RBFOX1: variants seen among roughly 807,000 people sequenced by gnomAD.
RBFOX1 encodes RNA binding protein fox-1 homolog 1.
Under a neutral mutation model 57.7 loss-of-function variants are expected in RBFOX1, and 8 were observed. The observed-to-expected ratio is 0.14, with a 90% CI of 0.08 to 0.25. The LOEUF (loss-of-function observed/expected upper bound fraction) is 0.25, where lower values mean the gene tolerates loss of function less well. Among genes scored for constraint, RBFOX1 ranks in the 10% least tolerant of loss-of-function variants. The pLI, the probability that RBFOX1 is intolerant of heterozygous loss-of-function variation, is 1.00. For synonymous variants in RBFOX1, 326 were observed against 222.4 expected, an observed-to-expected ratio of 1.47 and a Z score of -4.15; for missense variants, 611 against 548.5, an observed-to-expected ratio of 1.11 and a Z score of -1.14.
At chr16:5,497,832 A>G (rs911735380) in intron 2 of RBFOX1, among the ~76,000 whole-genome samples, 1 of 152,160 alleles carries the variant, frequency 6.6e-6, no homozygotes, top group Non-Finnish European at 1.5e-5. Flanking sequence ...GTCCCCAAGA[A>G]TAACAAAGTG....
intron 2 of RBFOX1, among the ~76,000 whole-genome samples, chr16:6,569,636 C>A (rs1315261385): frequency 6.6e-6 from 1 of 152,216 alleles, no homozygotes. Context: ...TTCATGGGCT[C>A]TGTCAACCTT....
At chr16:5,786,930 G>T (rs778513811) in intron 3 of RBFOX1, among the ~76,000 whole-genome samples, 49 of 152,174 alleles carry the variant, frequency 3.2e-4, no homozygotes, top group Admixed American at 7.9e-4. Flanking sequence ...GAGGTCAGGA[G>T]ATCGAGACCA....
At chr16:7,028,660 C>G (rs1245764048) in intron 3 of RBFOX1, among the ~76,000 whole-genome samples, 4 of 144,940 alleles carry the variant, frequency 2.8e-5, no homozygotes, top group East Asian at 2.1e-4. Context: ...ATTGTGACTT[C>G]TATTTGTGAA....
chr16:7,402,437 A>G (rs2098260381), intron 4 of RBFOX1, among the ~76,000 whole-genome samples: 1 of 152,228 alleles, frequency 6.6e-6, no homozygotes, highest in African/African-American at 2.4e-5. Context: ...ATAAAATTTC[A>G]CAAATAATAG....
At chr16:6,483,726 C>A in intron 2 of RBFOX1, 5 of 1,427,554 alleles carry the variant, frequency 3.5e-6, no homozygotes, top group Non-Finnish European at 4.6e-6. Flanking sequence ...TGCAAATTGA[C>A]ATTTTTGGCT....
intron 2 of RBFOX1, among the ~76,000 whole-genome samples, chr16:6,504,860 C>T (rs901656715): frequency 6.6e-6 from 1 of 151,924 alleles, no homozygotes; most frequent in Non-Finnish European, 1.5e-5. Context: ...TCAAGACTAG[C>T]CTGCCCAACA....
intron 4 of RBFOX1, among the ~76,000 whole-genome samples, chr16:7,394,705 G>A (rs371646945): frequency 1.1e-4 from 17 of 152,078 alleles, no homozygotes; most frequent in African/African-American, 3.9e-4. Flanking sequence ...GGTTTCATGT[G>A]CCCCGGTTGA....
chr16:6,950,888 T>G (rs948081582), intron 3 of RBFOX1, among the ~76,000 whole-genome samples: 4 of 147,600 alleles, frequency 2.7e-5, no homozygotes, highest in Admixed American at 6.8e-5. Context: ...TCTTTCTGTT[T>G]CTTTTCACTC....
chr16:6,775,329 CAAAAA>C (rs371277644), intron 3 of RBFOX1, among the ~76,000 whole-genome samples: 1 of 67,328 alleles, frequency 1.5e-5, no homozygotes, highest in Non-Finnish European at 3.0e-5. Context: ...GACTCTGTCT[CAAAAA>C]AAAAAAAAAA....
chr16:6,689,976 G>A (rs1436262988), intron 3 of RBFOX1, among the ~76,000 whole-genome samples: 3 of 152,330 alleles, frequency 2.0e-5, no homozygotes, highest in African/African-American at 7.2e-5. Flanking sequence ...ATAAGGGCAA[G>A]CTGATAGAAA....
chr16:7,541,844 T>G (rs1356552383), intron 5 of RBFOX1, among the ~76,000 whole-genome samples: 1 of 152,172 alleles, frequency 6.6e-6, no homozygotes, highest in Non-Finnish European at 1.5e-5. Context: ...TGGGATGATG[T>G]GAAGGACTTG....
intron 4 of RBFOX1, among the ~76,000 whole-genome samples, chr16:5,906,162 C>G (rs775293075): frequency 1.3e-5 from 2 of 152,276 alleles, no homozygotes; most frequent in South Asian, 4.1e-4. Flanking sequence ...CTCCCCCAGA[C>G]TGGTGAAGTC....
intron 1 of RBFOX1, among the ~76,000 whole-genome samples, chr16:6,122,387 C>T (rs916353062): frequency 6.8e-6 from 1 of 147,478 alleles, no homozygotes; most frequent in African/African-American, 2.5e-5. Flanking sequence ...CACACACACA[C>T]ACACACACAT....
rs141938810 is a variant in RBFOX1 at position 6,726,585 on chromosome 16, A to G, written c.-16+71935A>G. Among the ~76,000 whole-genome samples the G allele has an allele frequency of 3.4e-3, 518 of 152,192 alleles. 4 individuals carry two copies. The highest frequency in any genetic ancestry group is 5.0e-3 in the Non-Finnish European group (341 of 68,000). On this transcript the variant is annotated intron_variant, in intron 3 of 15. Coordinates refer to ENST00000550418, the MANE Select transcript of RBFOX1 (RefSeq NM_018723.4). ...GAAGGCAAGGATGCCTTTAATGTAC[A>G]TAGCTGCTTTCCTGGTCATATTCTA...
intron 1 of RBFOX1, among the ~76,000 whole-genome samples, chr16:6,308,542 A>T (rs1281671241): frequency 1.3e-5 from 2 of 152,212 alleles, no homozygotes; most frequent in Non-Finnish European, 2.9e-5. Flanking sequence ...GCACTTGAAC[A>T]TCCTGCTCGT....
intron 2 of RBFOX1, among the ~76,000 whole-genome samples, chr16:6,330,901 T>C (rs1438973189): frequency 6.6e-6 from 1 of 152,060 alleles, no homozygotes; most frequent in African/African-American, 2.4e-5. Flanking sequence ...TCGGTGGTTT[T>C]GGGGAATTAA....
intron 4 of RBFOX1, among the ~76,000 whole-genome samples, chr16:7,088,628 C>T (rs2060343380): frequency 6.6e-6 from 1 of 151,042 alleles, no homozygotes; most frequent in Non-Finnish European, 1.5e-5. Flanking sequence ...ACTCTTGAAG[C>T]AAGAAAAAAA....
At chr16:5,938,131 C>G (rs1387670491) in intron 4 of RBFOX1, among the ~76,000 whole-genome samples, 1 of 152,150 alleles carries the variant, frequency 6.6e-6, no homozygotes, top group Admixed American at 6.5e-5. Context: ...CTTTTCTTTT[C>G]TTTGCTTCCG....
At chr16:7,184,917 C>G (rs191879747) in intron 4 of RBFOX1, among the ~76,000 whole-genome samples, 1 of 151,946 alleles carries the variant, frequency 6.6e-6, no homozygotes, top group Non-Finnish European at 1.5e-5. Flanking sequence ...ATAATGCTTA[C>G]TTGGTGCCCA....
Sources: allele counts gnomAD v4.1 joint callset (sites outside exome capture counted in the v4.1 genomes callset), GRCh38; gene constraint gnomAD v4.1.1; transcripts MANE v1.5; gene names NCBI Gene and HGNC (gene_info 2026-07-23, HGNC 2026-07-21).